Variants in COL22A1 observed in about 807,000 individuals in gnomAD.
COL22A1 encodes collagen alpha-1(XXII) chain.
In COL22A1, 221 loss-of-function variants were observed where a neutral mutation model predicts 248.9. The observed-to-expected ratio is 0.89, with a 90% CI of 0.80 to 0.99. The LOEUF is 0.99. Among genes scored for constraint, COL22A1 ranks in the 50% least tolerant of loss-of-function variants. COL22A1 has a pLI of 0.00. For missense variants in COL22A1, 2,240 were observed against 2,179.0 expected (o/e 1.03, Z -0.56); for synonymous variants, 891 against 793.4 (o/e 1.12, Z -2.07).
chr8:138,859,733 T>C (rs1316386809), intron 3 of COL22A1, among the ~76,000 whole-genome samples: 1 of 152,034 alleles, frequency 6.6e-6, no homozygotes, highest in Non-Finnish European at 1.5e-5. Context: ...TAGACTGAGG[T>C]CACCTCTGAG....
intron 39 of COL22A1, among the ~76,000 whole-genome samples, chr8:138,680,719 C>T (rs990822873): frequency 6.6e-6 from 1 of 152,166 alleles, no homozygotes; most frequent in Non-Finnish European, 1.5e-5. Flanking sequence ...CTTCTTCCTC[C>T]GGCTGAGCAA....
rs142661826 is a variant in COL22A1, at chr8:138,799,666, G to C, written c.1558-2809C>G. 2.6e-4 allele frequency among the ~76,000 whole-genome samples: 40 copies of C among 152,274 alleles called. No homozygotes were observed. The East Asian group carries it at 7.5e-3, about 29-fold the overall frequency. On this transcript the variant is annotated intron_variant, in intron 11 of 64. Coordinates refer to ENST00000303045, the MANE Select transcript of COL22A1 (RefSeq NM_152888.3). ...TCTTTCTTGATTTCTCGGTCAAACT[G>C]TCTGCCTCTGCTGACATTCAATCCA...
At chr8:138,754,636 A>G (rs7839138) in intron 21 of COL22A1, among the ~76,000 whole-genome samples, 93,308 of 152,040 alleles carry the variant, frequency 0.61, 29,423 homozygotes, top group East Asian at 0.87. Context: ...ATCATAAGAT[A>G]ATCACAAGGG....
At chr8:138,674,481 C>T (rs781177918) in intron 41 of COL22A1, among the ~76,000 whole-genome samples, 2 of 152,212 alleles carry the variant, frequency 1.3e-5, no homozygotes, top group African/African-American at 2.4e-5. Flanking sequence ...TTATCCACCA[C>T]GGAAGCTTTT....
intron 25 of COL22A1, 164 bp from the exon 26 acceptor site, chr8:138,722,253 C>T: frequency 1.6e-6 from 1 of 609,972 alleles, no homozygotes; most frequent in Non-Finnish European, 3.0e-6. Context: ...ACTGTGGTCT[C>T]TGTCTGACCA....
chr8:138,744,489 A>G (rs1831948024), intron 22 of COL22A1, among the ~76,000 whole-genome samples: 1 of 151,794 alleles, frequency 6.6e-6, no homozygotes, highest in Admixed American at 6.6e-5. Context: ...CACCACACAC[A>G]CACACACACA....
chr8:138,720,965 C>G (rs922831609), intron 26 of COL22A1, among the ~76,000 whole-genome samples, 173 bp from the exon 27 acceptor site: 2 of 152,126 alleles, frequency 1.3e-5, no homozygotes, highest in African/African-American at 4.8e-5. Context: ...GCTCATTCAG[C>G]CTCCTAGGTT....
intron 50 of COL22A1, among the ~76,000 whole-genome samples, chr8:138,630,193 A>C (rs1264649480): frequency 3.9e-5 from 6 of 152,236 alleles, no homozygotes; most frequent in Non-Finnish European, 5.9e-5. Context: ...CCTTCGGTTC[A>C]AATGCCAACT....
At position 138,764,976 on chromosome 8, in the gene COL22A1, A is replaced by C. The variant is rs188660984; in HGVS notation, c.1804-2510T>G. On this transcript the variant is annotated intron_variant, in intron 16 of 64. Transcript: ENST00000303045. Reference sequence around the variant, plus strand: ...GTCTCAAAACAAAATAAAAGTAATAAAAATAAAAAGTCTTTGCATCACGTG... The same window carrying C: ...GTCTCAAAACAAAATAAAAGTAATACAAATAAAAAGTCTTTGCATCACGTG... Among the ~76,000 whole-genome samples, 624 of 152,236 alleles carry C rather than the reference A, an allele frequency of 4.1e-3. 4 individuals carry two copies. The highest frequency in any genetic ancestry group is 0.014 in the African/African-American group (595 of 41,538).
intron 63 of COL22A1, 138 bp from the exon 64 acceptor site, chr8:138,591,639 C>T (rs1486339154): frequency 1.9e-6 from 1 of 524,668 alleles, no homozygotes; most frequent in East Asian, 3.4e-5. Flanking sequence ...AGCACACACA[C>T]TCATGCCGCA....
At chr8:138,865,936 T>G (rs1241004104) in intron 3 of COL22A1, among the ~76,000 whole-genome samples, 1 of 151,264 alleles carries the variant, frequency 6.6e-6, no homozygotes, top group African/African-American at 2.4e-5. Flanking sequence ...TGTGTGTGTA[T>G]GTTTGTGTAT....
intron 5 of COL22A1, among the ~76,000 whole-genome samples, 196 bp from the exon 6 acceptor site, chr8:138,826,977 G>T (rs764001817): frequency 5.3e-5 from 8 of 152,052 alleles, no homozygotes; most frequent in Non-Finnish European, 1.0e-4. Context: ...CCATCGTCAT[G>T]ACCCCCGAGG....
At chr8:138,878,343 T>A in intron 2 of COL22A1, 27 bp from the exon 3 acceptor site, 1 of 1,484,896 alleles carries the variant, frequency 6.7e-7, no homozygotes, top group Non-Finnish European at 9.0e-7. Flanking sequence ...AGGGGTGGCG[T>A]AGGGCAAATG....
chr8:138,877,924 C>T lies in COL22A1; in HGVS notation c.484G>A (p.Ala162Thr), dbSNP rs1823866629. ...GRSQDLVLDAAAAAHRAGIRI... is the reference protein window; with the variant it reads ...GRSQDLVLDATAAAHRAGIRI... ...ATGCCAGCGCGGTGGGCTGCCGCCG[C>T]GGCGTCCAGCACCAGGTCCTGGCTG... Residue 162 changes from alanine (A) to threonine (T), a missense_variant, in exon 3 of 65, where the codon GCG becomes ACG. Transcript: ENST00000303045. 1.9e-6 allele frequency: 3 copies of T among 1,606,480 alleles called. No homozygotes were observed. Among genetic ancestry groups the T allele is most frequent in the African/African-American group, 1.3e-5 (1 of 74,862 alleles).
At chr8:138,648,131 C>T (rs1822370184) in intron 46 of COL22A1, among the ~76,000 whole-genome samples, 1 of 152,182 alleles carries the variant, frequency 6.6e-6, no homozygotes, top group Non-Finnish European at 1.5e-5. Context: ...ATAAGCTGAT[C>T]ACCAGGAGAA....
chr8:138,790,629 T>C (rs919905859), intron 12 of COL22A1, among the ~76,000 whole-genome samples: 1 of 152,202 alleles, frequency 6.6e-6, no homozygotes, highest in African/African-American at 2.4e-5. Context: ...AGAAATAACC[T>C]GGTTCCGGTG....
At chr8:138,603,048 T>C (rs1445204673) in intron 59 of COL22A1, among the ~76,000 whole-genome samples, 1 of 152,262 alleles carries the variant, frequency 6.6e-6, no homozygotes, top group African/African-American at 2.4e-5. Context: ...TCTTGGTTGA[T>C]AGACTCTACA....
Position 138,655,286 on chromosome 8 carries a change from A to T in COL22A1, c.3333+611T>A, listed in dbSNP as rs563010665. 1.3e-3 allele frequency among the ~76,000 whole-genome samples: 198 copies of T among 152,354 alleles called. 2 individuals are homozygous for T. Among genetic ancestry groups the T allele is most frequent in the African/African-American group, 4.4e-3 (185 of 41,584 alleles). ...ATCTGCAGTGCCCAATAAGGCAGCC[A>T]CCAGCCACATGCAGCTATTAAGTAT... On this transcript the variant is annotated intron_variant, in intron 45 of 64. Coordinates refer to ENST00000303045, the MANE Select transcript of COL22A1 (RefSeq NM_152888.3).
At chr8:138,839,240 G>A (rs75357949) in intron 4 of COL22A1, among the ~76,000 whole-genome samples, 1,730 of 152,244 alleles carry the variant, frequency 0.011, 24 homozygotes, top group African/African-American at 0.039. Flanking sequence ...TAGATGCTGC[G>A]TGGGCTGCTC....
Sources: gnomAD v4.1 joint callset for allele counts (sites outside exome capture counted in the v4.1 genomes callset) on GRCh38, gnomAD v4.1.1 for gene constraint, MANE v1.5 for transcripts, NCBI Gene and HGNC (gene_info 2026-07-23, HGNC 2026-07-21) for gene names.